The following R3HDM2 variants were observed in gnomAD, a reference collection of about 807,000 sequenced individuals.
The protein encoded by R3HDM2 is R3H domain containing 2.
Under a neutral mutation model 124.5 loss-of-function variants are expected in R3HDM2, and 38 were observed. That is an observed-to-expected ratio of 0.31 (90% CI 0.24 to 0.40). The LOEUF is 0.40. Among genes scored for constraint, R3HDM2 ranks in the 10% least tolerant of loss-of-function variants. The pLI is 1.00. For missense variants in R3HDM2, 869 were observed against 1,236.9 expected, an observed-to-expected ratio of 0.70 and a Z score of 4.46; for synonymous variants, 391 against 448.0, an observed-to-expected ratio of 0.87 and a Z score of 1.61.
chr12:57,408,026 T>G (rs867256007), intron 1 of R3HDM2, among the ~76,000 whole-genome samples: 3 of 152,000 alleles, frequency 2.0e-5, no homozygotes, highest in Non-Finnish European at 4.4e-5. Context: ...ACCTCCCAGG[T>G]TCAAGCCATT....
chr12:57,312,006 T>C (rs1386042316), intron 2 of R3HDM2, among the ~76,000 whole-genome samples: 3 of 152,206 alleles, frequency 2.0e-5, no homozygotes, highest in African/African-American at 7.2e-5. Flanking sequence ...ACAACAATAG[T>C]TTGCAGAGGT....
At chr12:57,295,377 C>T in intron 10 of R3HDM2, 22 bp downstream of exon 10, 1 of 1,498,724 alleles carries the variant, frequency 6.7e-7, no homozygotes, top group Non-Finnish European at 9.1e-7. Context: ...TCTATATAGG[C>T]CCACCCCTTT....
intron 2 of R3HDM2, among the ~76,000 whole-genome samples, chr12:57,329,871 T>G (rs1309083983): frequency 6.6e-6 from 1 of 152,240 alleles, no homozygotes; most frequent in East Asian, 1.9e-4. Flanking sequence ...TAGTTTTTAT[T>G]GTATAAGTCT....
intron 1 of R3HDM2, 156 bp downstream of exon 1, chr12:57,430,564 C>T: frequency 2.0e-6 from 2 of 985,008 alleles, no homozygotes; most frequent in Non-Finnish European, 2.4e-6. Flanking sequence ...GTCCTTCCCG[C>T]GGCCATCCGA....
intron 12 of R3HDM2, among the ~76,000 whole-genome samples, chr12:57,286,110 G>A (rs953150418): frequency 6.6e-6 from 1 of 152,128 alleles, no homozygotes; most frequent in Non-Finnish European, 1.5e-5. Context: ...TTTGAGCACT[G>A]GATCGGGTTG....
At chr12:57,370,403 G>A (rs552085289) in intron 2 of R3HDM2, among the ~76,000 whole-genome samples, 1 of 134,548 alleles carries the variant, frequency 7.4e-6, no homozygotes, top group African/African-American at 2.7e-5. Context: ...GGCCCGGGGG[G>A]GGGGGGCGGG....
intron 14 of R3HDM2, among the ~76,000 whole-genome samples, chr12:57,278,570 AAGG>A (rs2045400580): frequency 6.6e-6 from 1 of 152,196 alleles, no homozygotes; most frequent in Non-Finnish European, 1.5e-5. Context: ...CAGATGACAG[AAGG>A]AGAAGCATAG....
chr12:57,310,074 G>A (rs143347385), intron 3 of R3HDM2, among the ~76,000 whole-genome samples, 190 bp downstream of exon 3: 2 of 152,246 alleles, frequency 1.3e-5, no homozygotes, highest in African/African-American at 2.4e-5. Context: ...AGCTGGATGT[G>A]GTTGCACATG....
In R3HDM2 at chr12:57,295,491, A is replaced by C. The variant is rs1173088411; in HGVS notation, c.718T>G (p.Ser240Ala). 6.4e-7 allele frequency: 1 copy of C among 1,551,140 alleles called. No individual in the cohort carries two copies. Among genetic ancestry groups the C allele is most frequent in the Non-Finnish European group, 8.7e-7 (1 of 1,146,676 alleles). The change falls in exon 10 of 24, where the codon TCA becomes GCA. Residue 240 changes from serine to alanine, a missense_variant. By Grantham distance (99) the Ser-to-Ala change is moderately conservative. This residue lies in a region of R3HDM2 where 267 missense variants were observed against 447.7 expected (regional missense o/e 0.60). Transcript: ENST00000402412. Reference sequence around the variant, plus strand: ...TTCTTCTCATCCTTTATATGTTCTGAGAACCTCTGTTCAGGGCTGAGATTT... The same window carrying C: ...TTCTTCTCATCCTTTATATGTTCTGCGAACCTCTGTTCAGGGCTGAGATTT... ...SNTRIPEQRF[S>A]EHIKDEKNTE...
intron 2 of R3HDM2, among the ~76,000 whole-genome samples, chr12:57,329,325 A>G (rs2057781891): frequency 6.6e-6 from 1 of 152,248 alleles, no homozygotes; most frequent in Non-Finnish European, 1.5e-5. Context: ...TATAGTACAT[A>G]AGAACAGTAG....
At chr12:57,337,970 T>C (rs558536802) in intron 2 of R3HDM2, among the ~76,000 whole-genome samples, 16 of 152,336 alleles carry the variant, frequency 1.1e-4, no homozygotes, top group African/African-American at 3.8e-4. Context: ...TTTTTAATTT[T>C]TATGATTAGA....
Position 57,256,435 on chromosome 12 carries a change from C to A in R3HDM2, c.2526G>T (p.Gln842His). ...LSICPPLLHG[Q>H]STYTVHQGQS... ...TTACCTGGTGCACCGTGTAAGTTGA[C>A]TGGCCATGGAGCAAGGGAGGGCAGA... Residue 842 changes from glutamine (Q) to histidine (H), a missense_variant, in exon 22 of 24, where the codon CAG becomes CAT. By Grantham distance (24) the Gln-to-His change is conservative. Transcript: ENST00000402412. 1 of 1,594,954 alleles carries A rather than the reference C, an allele frequency of 6.3e-7. No individual in the cohort carries two copies. The highest frequency in any genetic ancestry group is 8.5e-7 in the Non-Finnish European group (1 of 1,170,194).
intron 2 of R3HDM2, among the ~76,000 whole-genome samples, chr12:57,317,727 C>T (rs2055426141): frequency 6.7e-6 from 1 of 150,096 alleles, no homozygotes; most frequent in African/African-American, 2.5e-5. Context: ...CCGGGTGGCT[C>T]GCGCCTGTAA....
At chr12:57,406,548 G>A (rs538683410) in intron 1 of R3HDM2, among the ~76,000 whole-genome samples, 1 of 152,100 alleles carries the variant, frequency 6.6e-6, no homozygotes, top group East Asian at 1.9e-4. Context: ...AAGCGATGAG[G>A]GGAGTATCTT....
intron 14 of R3HDM2, among the ~76,000 whole-genome samples, chr12:57,271,529 G>A (rs1272599841): frequency 2.0e-5 from 3 of 152,124 alleles, no homozygotes; most frequent in African/African-American, 7.2e-5. Flanking sequence ...TCAAGGATCT[G>A]ATCTTCAAGT....
rs1174396472 is a variant in R3HDM2 at position 57,269,807 on chromosome 12, G to A, written c.1532C>T (p.Ala511Val). The change falls in exon 15 of 24, where the codon GCA becomes GTA. Residue 511 changes from alanine to valine, a missense_variant. Transcript: ENST00000402412. ...TGGCAGAACTTGCTGAGTAGGTGGT[G>A]CATGGCTAGAGGTGGAATAGTTGGA... is the stretch of plus-strand genomic sequence containing the variant. The part of the protein sequence containing the change: ...PTSNYSTSSH[A>V]PPTQQVLPPQ... The A allele has an allele frequency of 2.5e-6, 4 of 1,614,064 alleles. No individual in the cohort carries two copies. The highest frequency in any genetic ancestry group is 2.7e-5 in the African/African-American group (2 of 74,916).
Position 57,256,401 on chromosome 12 carries a change from T to A in R3HDM2, c.2547+13A>T, listed in dbSNP as rs756369538. 1 of 1,546,952 alleles carries A rather than the reference T, an allele frequency of 6.5e-7. No individual in the cohort carries two copies. The highest frequency in any genetic ancestry group is 8.8e-7 in the Non-Finnish European group (1 of 1,140,048). ...GGTCTGATGGCCCTACAGTTGCTGG[T>A]GGACACCCTTACCTGGTGCACCGTG... On this transcript the variant is annotated intron_variant, in intron 22 of 23. Coordinates refer to ENST00000402412, the MANE Select transcript of R3HDM2 (RefSeq NM_001394031.1).
At chr12:57,379,916 T>G (rs887189877) in intron 2 of R3HDM2, among the ~76,000 whole-genome samples, 2 of 152,076 alleles carry the variant, frequency 1.3e-5, no homozygotes, top group Non-Finnish European at 2.9e-5. Context: ...TATTAGAATA[T>G]ATATTTAATA....
intron 21 of R3HDM2, among the ~76,000 whole-genome samples, chr12:57,256,822 CTTT>C (rs757111053): frequency 7.1e-6 from 1 of 141,166 alleles, no homozygotes. Context: ...TTTTATCTCT[CTTT>C]TTTTTTTTTT....
Sources: gnomAD v4.1 joint callset for allele counts (sites outside exome capture counted in the v4.1 genomes callset) on GRCh38, gnomAD v4.1.1 for gene constraint, gnomAD v4.1.1 regional missense constraint, MANE v1.5 for transcripts, NCBI Gene and HGNC (gene_info 2026-07-23, HGNC 2026-07-21) for gene names.